Variants in ABCA6 observed in about 807,000 individuals in gnomAD.
ABCA6 encodes the protein ATP binding cassette subfamily A member 6, also known as ATP-binding cassette sub-family A member 6.
In ABCA6, 164 loss-of-function variants were observed where a neutral mutation model predicts 191.2. The observed-to-expected ratio is 0.86, with a 90% CI of 0.76 to 0.98. The LOEUF (loss-of-function observed/expected upper bound fraction) is 0.98, where lower values mean the gene tolerates loss of function less well. ABCA6 is among the 50% of genes least tolerant of loss of function. ABCA6 has a pLI of 0.00. For missense variants in ABCA6, 1,958 were observed against 1,894.1 expected (o/e 1.03, Z -0.63); for synonymous variants, 636 against 647.7 (o/e 0.98, Z 0.27).
chr17:69,126,146 A>G (rs866630821), intron 8 of ABCA6, among the ~76,000 whole-genome samples: 7 of 152,174 alleles, frequency 4.6e-5, no homozygotes, highest in South Asian at 2.1e-4. Flanking sequence ...ATATATGTAT[A>G]AAACCCAGAA....
rs557432338 is a variant in ABCA6 at position 69,124,269 on chromosome 17, A to G, written c.1267+619T>C. Among the ~76,000 whole-genome samples the G allele has an allele frequency of 3.9e-5, 6 of 152,116 alleles. No homozygotes were observed. The South Asian group carries it at 1.0e-3, about 26-fold the overall frequency. On this transcript the variant is annotated intron_variant, in intron 9 of 38. Transcript: ENST00000284425. ...AGTAAATACATAGAAAACCTATAAGACAACCTTAAATAGTGGAAGGAACAT... is the reference window on the plus strand; with the variant it reads ...AGTAAATACATAGAAAACCTATAAGGCAACCTTAAATAGTGGAAGGAACAT...
At chr17:69,095,291 G>C (rs1214058295) in intron 25 of ABCA6, 1 of 184,980 alleles carries the variant, frequency 5.4e-6, no homozygotes, top group African/African-American at 2.4e-5. Context: ...CAGTTTTTCC[G>C]AGTAAGGTGA....
chr17:69,102,416 T>C (rs2073201937), intron 21 of ABCA6, among the ~76,000 whole-genome samples: 1 of 152,200 alleles, frequency 6.6e-6, no homozygotes, highest in Non-Finnish European at 1.5e-5. Flanking sequence ...AATCGACATA[T>C]GCTAAGGTAG....
intron 2 of ABCA6, 40 bp from the exon 3 acceptor site, chr17:69,137,540 G>A (rs1319482818): frequency 3.8e-6 from 6 of 1,568,522 alleles, no homozygotes; most frequent in Non-Finnish European, 5.2e-6. Context: ...AATTAAGGTT[G>A]CATTCACTTA....
In ABCA6 at chr17:69,107,819, C is replaced by CA. The variant is rs771536749; in HGVS notation, c.2273-8dup. On this transcript the variant is annotated splice_region_variant and splice_polypyrimidine_tract_variant and intron_variant, in intron 17 of 38. Transcript: ENST00000284425. ...TCCAGATCACTGAAAAGATCTAAGGCAAAAAAATATGAATAGATACTTTGG... is the reference window on the plus strand; with the variant it reads ...TCCAGATCACTGAAAAGATCTAAGGCAAAAAAAATATGAATAGATACTTTGG... 61 of 1,537,004 alleles carry CA rather than the reference C, an allele frequency of 4.0e-5. No individual in the cohort carries two copies. In the Admixed American group the frequency reaches 4.1e-4, roughly 10 times the overall value.
intron 19 of ABCA6, 71 bp downstream of exon 19, chr17:69,105,957 T>C (rs959325787): frequency 6.8e-7 from 1 of 1,469,238 alleles, no homozygotes; most frequent in Admixed American, 2.4e-5. Flanking sequence ...GTTCTAGTTT[T>C]AAATTATCTT....
intron 11 of ABCA6, among the ~76,000 whole-genome samples, chr17:69,116,212 G>C (rs1183847250): frequency 6.6e-6 from 1 of 152,040 alleles, no homozygotes; most frequent in South Asian, 2.1e-4. Flanking sequence ...TGTTGGGACT[G>C]ACCCACAGTA....
chr17:69,115,247 C>G (rs1248077552), intron 12 of ABCA6, 129 bp downstream of exon 12: 1 of 635,188 alleles, frequency 1.6e-6, no homozygotes, highest in African/African-American at 1.9e-5. Context: ...TTATGTAGCT[C>G]TTGGAAACAA....
rs552119836 is a variant in ABCA6, at chr17:69,128,323, T to C, written c.1119+296A>G. 1.4e-4 allele frequency among the ~76,000 whole-genome samples: 22 copies of C among 152,172 alleles called. 1 individual carries two copies. The South Asian group carries it at 4.6e-3, about 32-fold the overall frequency. On this transcript the variant is annotated intron_variant, in intron 8 of 38. Coordinates refer to ENST00000284425, the MANE Select transcript of ABCA6 (RefSeq NM_080284.3). ...TTTAATAAACTAGCAGATATTTTCA[T>C]TATGTTAAATGAATAGTAATAAAAG...
Position 69,096,521 on chromosome 17 carries a change from G to A in ABCA6, c.3294+107C>T, listed in dbSNP as rs554801063. Reference sequence around the variant, plus strand: ...TGCACTTTGCATGTTTTTTGTTTTGGTTTATTACAAAATATGAATTAAAAC... The same window carrying A: ...TGCACTTTGCATGTTTTTTGTTTTGATTTATTACAAAATATGAATTAAAAC... On this transcript the variant is annotated intron_variant, in intron 24 of 38. Coordinates refer to ENST00000284425, the MANE Select transcript of ABCA6 (RefSeq NM_080284.3). 10 of 995,706 alleles carry A rather than the reference G, an allele frequency of 1.0e-5. No individual in the cohort carries two copies. In the South Asian group the frequency reaches 2.8e-4, roughly 28 times the overall value. The allele number at this position is 995,706 out of a possible 1,614,324, so 61.7% of individuals were successfully genotyped here.
chr17:69,084,094 T>C (rs1414752887), intron 34 of ABCA6, among the ~76,000 whole-genome samples, 167 bp downstream of exon 34: 1 of 152,238 alleles, frequency 6.6e-6, no homozygotes, highest in Non-Finnish European at 1.5e-5. Context: ...GTGAACATCA[T>C]GCAGATTAGA....
intron 18 of ABCA6, 53 bp downstream of exon 18, chr17:69,107,643 G>A: frequency 2.5e-6 from 3 of 1,187,726 alleles, no homozygotes; most frequent in Non-Finnish European, 3.7e-6. Flanking sequence ...ATACTAAATT[G>A]ACACATGATC....
intron 2 of ABCA6, among the ~76,000 whole-genome samples, chr17:69,139,639 C>G (rs2144729527): frequency 6.6e-6 from 1 of 152,280 alleles, no homozygotes; most frequent in African/African-American, 2.4e-5. Context: ...TATAAAGACA[C>G]ATGCACATGT....
chr17:69,087,557 A>G (rs2072829863), intron 28 of ABCA6, 84 bp from the exon 29 acceptor site: 1 of 1,540,012 alleles, frequency 6.5e-7, no homozygotes, highest in South Asian at 1.2e-5. Flanking sequence ...TGATTTTACT[A>G]CTGTCCTCTT....
At chr17:69,128,835 T>C (rs1460719526) in intron 7 of ABCA6, 31 bp from the exon 8 acceptor site, 1 of 1,514,772 alleles carries the variant, frequency 6.6e-7, no homozygotes, top group Admixed American at 2.1e-5. Flanking sequence ...TCAGCTGTTA[T>C]AAAAAATATT....
chr17:69,108,751 CTG>C (rs1397501381), intron 17 of ABCA6: 1 of 152,202 alleles, frequency 6.6e-6, no homozygotes, highest in Non-Finnish European at 1.5e-5. Flanking sequence ...GTAGCAAACA[CTG>C]TGTTTCCCTA....
intron 23 of ABCA6, among the ~76,000 whole-genome samples, chr17:69,097,062 A>C (rs996652930): frequency 9.9e-5 from 15 of 152,216 alleles, no homozygotes; most frequent in Admixed American, 9.8e-4. Flanking sequence ...GAATAATGAA[A>C]AGTGGACCTC....
chr17:69,079,459 T>A (rs2072575044), intron 37 of ABCA6, among the ~76,000 whole-genome samples, 194 bp from the exon 38 acceptor site: 1 of 152,196 alleles, frequency 6.6e-6, no homozygotes, highest in Non-Finnish European at 1.5e-5. Context: ...AATATTGATG[T>A]TATTTTCTCA....
intron 8 of ABCA6, among the ~76,000 whole-genome samples, chr17:69,126,658 A>T (rs1043609494): frequency 6.6e-6 from 1 of 152,134 alleles, no homozygotes; most frequent in Non-Finnish European, 1.5e-5. Flanking sequence ...AAATAAAAAT[A>T]AAAAAAGATA....
Sources: allele counts gnomAD v4.1 joint callset (sites outside exome capture counted in the v4.1 genomes callset), GRCh38; gene constraint gnomAD v4.1.1; transcripts MANE v1.5; gene names NCBI Gene and HGNC (gene_info 2026-07-23, HGNC 2026-07-21).